ZNF219: variants seen among roughly 807,000 people sequenced by gnomAD.
ZNF219 encodes the protein zinc finger protein 219.
In ZNF219, 17 loss-of-function variants were observed where a neutral mutation model predicts 54.4. That is an observed-to-expected ratio of 0.31 (90% confidence interval 0.21 to 0.47). The LOEUF is 0.47. ZNF219 is among the 20% of genes least tolerant of loss of function. ZNF219 has a pLI of 1.00. For missense variants in ZNF219, 1,014 were observed against 1,062.3 expected (o/e 0.95, Z 0.63); for synonymous variants, 518 against 476.4 (o/e 1.09, Z -1.14).
rs1163775057 is a variant in ZNF219, at chr14:21,092,057, G to C, written c.1240C>G (p.Leu414Val). ...CGGTGCCGGCGAGCCCGGGCCGGGAGAGCAGAGGACAGCGGGCGGAAGCCT... is the reference window on the plus strand; with the variant it reads ...CGGTGCCGGCGAGCCCGGGCCGGGACAGCAGAGGACAGCGGGCGGAAGCCT... Reference protein sequence around the residue: ...FGGFRPLSSALPARARRHRAE... With the variant: ...FGGFRPLSSAVPARARRHRAE... The change falls in exon 3 of 5, where the codon CTC (leucine) becomes GTC (valine). Residue 414 changes from leucine to valine, a missense_variant. Physicochemically the swap from Leu to Val is conservative, Grantham distance 32 (BLOSUM62 1). Transcript: ENST00000360947. The C allele has an allele frequency of 1.9e-6, 3 of 1,544,432 alleles. No individual in the cohort carries two copies. Among genetic ancestry groups the C allele is most frequent in the Non-Finnish European group, 2.6e-6 (3 of 1,144,826 alleles).
chr14:21,093,974 C>T (rs897186341), intron 1 of ZNF219: 36 of 384,644 alleles, frequency 9.4e-5, no homozygotes, highest in African/African-American at 7.3e-4. Flanking sequence ...CACAATATGC[C>T]CCTCTCCCAT....
At position 21,090,856 on chromosome 14, in the gene ZNF219, G is replaced by T; in HGVS notation, c.1849C>A (p.Arg617Ser). 1 of 1,554,706 alleles carries T rather than the reference G, an allele frequency of 6.4e-7. No homozygotes were observed. The highest frequency in any genetic ancestry group is 8.7e-7 in the Non-Finnish European group (1 of 1,150,620). Reference protein sequence around the residue: ...RKPASPGRTLRNGRGGEAEPL... With the variant: ...RKPASPGRTLSNGRGGEAEPL... ...TCGGCCTCACCGCCTCGCCCGTTGCGCAGGGTCCTCCCAGGGCTGGCGGGC... is the reference window on the plus strand; with the variant it reads ...TCGGCCTCACCGCCTCGCCCGTTGCTCAGGGTCCTCCCAGGGCTGGCGGGC... Residue 617 changes from arginine (R) to serine (S), a missense_variant, in exon 5 of 5, where the codon CGC becomes AGC. Physicochemically the swap from Arg to Ser is moderately radical, Grantham distance 110. This residue lies in a region of ZNF219 where 281 missense variants were observed against 271.2 expected (regional missense o/e 1.04). Transcript: ENST00000360947. The surrounding 1 kb of genome is among the most constrained non-coding windows in gnomAD (Gnocchi z 4.4).
rs773461871 is a variant in ZNF219 at position 21,091,057 on chromosome 14, G to C, written c.1648C>G (p.Arg550Gly). The stretch of plus-strand genomic sequence containing the variant: ...GGGCCGGCCCCGCTCCTCTGCTCCC[G>C]GTGGTGGCGCTGTAGGTGATACTTG... The part of the protein sequence containing the change: ...SLKYHLQRHH[R>G]EQRSGAGPGP... The change falls in exon 5 of 5, where the codon CGG becomes GGG. Residue 550 changes from arginine (R) to glycine (G), a missense_variant. Around this residue, in one of 5 missense-constraint regions of ZNF219, gnomAD observed 281 missense variants for 271.2 expected, o/e 1.04. Coordinates refer to ENST00000360947, the MANE Select transcript of ZNF219 (RefSeq NM_016423.3). 4 of 1,562,240 alleles carry C rather than the reference G, an allele frequency of 2.6e-6. No individual in the cohort carries two copies. The highest frequency in any genetic ancestry group is 2.3e-5 in the South Asian group (2 of 85,918).
upstream of ZNF219, chr14:21,102,584 G>A: frequency 2.6e-6 from 4 of 1,551,114 alleles, no homozygotes; most frequent in Non-Finnish European, 3.5e-6. Flanking sequence ...AAAAGGGCAG[G>A]GGCAAACAGG....
chr14:21,090,530 G>T lies in ZNF219; in HGVS notation c.*6C>A. On this transcript the variant is annotated 3_prime_UTR_variant, in exon 5 of 5. Transcript: ENST00000360947. The surrounding 1 kb of genome is among the most constrained non-coding windows in gnomAD (Gnocchi z 4.4). ...GCTCACTAAGCTAATCGCCCCTGAG[G>T]GCCCACTACCGTTCTTGCCCCCCCA... The T allele has an allele frequency of 6.3e-7, 1 of 1,583,098 alleles. No individual in the cohort carries two copies. The highest frequency in any genetic ancestry group is 8.6e-7 in the Non-Finnish European group (1 of 1,161,286).
intron 1 of ZNF219, 120 bp from the exon 2 acceptor site, chr14:21,093,794 G>A: frequency 2.2e-6 from 2 of 898,168 alleles, no homozygotes; most frequent in Admixed American, 2.1e-5. Flanking sequence ...CTCCCTACTT[G>A]CTTCTTGAGG....
At chr14:21,100,266 T>A (rs1889546767), upstream of ZNF219, among the ~76,000 whole-genome samples, 1 of 152,142 alleles carries the variant, frequency 6.6e-6, no homozygotes, top group Admixed American at 6.5e-5. Context: ...CTTGGGAGAC[T>A]GAGGCAGGAT....
At chr14:21,093,553 G>A in intron 2 of ZNF219, 33 bp downstream of exon 2, 2 of 1,603,144 alleles carry the variant, frequency 1.2e-6, no homozygotes, top group East Asian at 4.5e-5. Flanking sequence ...ACAGTTGTAG[G>A]TACTTGTAGG....
rs1228580006 is a variant in ZNF219 at position 21,090,774 on chromosome 14, G to A, written c.1931C>T (p.Ala644Val). Reference protein sequence around the residue: ...GPGGEAGPGGALHRCLFCPFA... With the variant: ...GPGGEAGPGGVLHRCLFCPFA... ...CGGGCAGAAGAGGCAGCGGTGGAGG[G>A]CACCCCCAGGCCCGGCCTCGCCTCC... Residue 644 changes from alanine to valine, a missense_variant, in exon 5 of 5, where the codon GCC becomes GTC. Coordinates refer to ENST00000360947, the MANE Select transcript of ZNF219 (RefSeq NM_016423.3). The surrounding 1 kb of genome is among the most constrained non-coding windows in gnomAD (Gnocchi z 4.4). 2.5e-6 allele frequency: 4 copies of A among 1,599,410 alleles called. No individual in the cohort carries two copies. The highest frequency in any genetic ancestry group is 3.4e-6 in the Non-Finnish European group (4 of 1,173,962).
chr14:21,091,755 T>C lies in ZNF219; in HGVS notation c.1432+110A>G. 2.1e-6 allele frequency: 3 copies of C among 1,454,368 alleles called. No homozygotes were observed. The South Asian group carries it at 4.5e-5, about 22-fold the overall frequency. The allele number at this position is 1,454,368 out of a possible 1,614,324, so 90.1% of individuals were successfully genotyped here. A position where few individuals can be genotyped will look rare whatever the true frequency, so the allele number is the denominator to read the frequency against. On this transcript the variant is annotated intron_variant, in intron 3 of 4. Coordinates refer to ENST00000360947, the MANE Select transcript of ZNF219 (RefSeq NM_016423.3). ...ACAAAACAAAACAAAACAAAAAAACTCAGGAGAAATTAAACGTAAGTTCTT... is the reference window on the plus strand; with the variant it reads ...ACAAAACAAAACAAAACAAAAAAACCCAGGAGAAATTAAACGTAAGTTCTT...
chr14:21,102,370 C>T (rs1176914261), upstream of ZNF219: 10 of 1,550,026 alleles, frequency 6.5e-6, no homozygotes, highest in South Asian at 7.2e-5. Context: ...AATGACTCCC[C>T]TAGGCTGGGC....
At chr14:21,101,294 C>A (rs552999987), upstream of ZNF219, 3 of 1,511,470 alleles carry the variant, frequency 2.0e-6, no homozygotes, top group Admixed American at 3.9e-5. Context: ...GAACCTATAA[C>A]GCATTTTTCC....
chr14:21,093,522 G>A lies in ZNF219; in HGVS notation c.6+64C>T. ...TAATGGGAGGTCAAAGAGAGAGAGAGGTAGGCAGGAGAGGGAGTATACAGT... is the reference window on the plus strand; with the variant it reads ...TAATGGGAGGTCAAAGAGAGAGAGAAGTAGGCAGGAGAGGGAGTATACAGT... On this transcript the variant is annotated intron_variant, in intron 2 of 4. Coordinates refer to ENST00000360947, the MANE Select transcript of ZNF219 (RefSeq NM_016423.3). The A allele has an allele frequency of 1.9e-6, 3 of 1,566,802 alleles. 1 individual carries two copies. Among genetic ancestry groups the A allele is most frequent in the South Asian group, 2.2e-5 (2 of 90,008 alleles).
rs1236867557 is a variant in ZNF219 at position 21,093,134 on chromosome 14, G to T, written c.163C>A (p.Arg55=). 2 of 1,610,346 alleles carry T rather than the reference G, an allele frequency of 1.2e-6. No individual in the cohort carries two copies. The highest frequency in any genetic ancestry group is 1.1e-5 in the South Asian group (1 of 90,906). ...VSWSESRAGE[R]RFPCPVCGKR... ...CCGCATACAGGGCAGGGGAAGCGCC[G>T]TTCGCCTGCACGACTCTCAGACCAG... is the stretch of plus-strand genomic sequence containing the variant. Residue 55 remains arginine, a synonymous_variant, in exon 3 of 5, where the codon CGG becomes AGG. Coordinates refer to ENST00000360947, the MANE Select transcript of ZNF219 (RefSeq NM_016423.3).
At position 21,091,934 on chromosome 14, in the gene ZNF219, G is replaced by T. The variant is rs1313870657; in HGVS notation, c.1363C>A (p.Arg455Ser). Residue 455 changes from arginine (R) to serine (S), a missense_variant, in exon 3 of 5, where the codon CGC becomes AGC. By Grantham distance (110) the Arg-to-Ser change is moderately radical (BLOSUM62 -1). Transcript: ENST00000360947. ...SLGSLASLHPRPGEGPGHSAS... is the reference protein window; with the variant it reads ...SLGSLASLHPSPGEGPGHSAS... ...GAGTGCCCCGGTCCCTCACCCGGGC[G>T]CGGGTGCAGGGAAGCCAGAGAGCCC... 1 of 1,603,804 alleles carries T rather than the reference G, an allele frequency of 6.2e-7. No individual in the cohort carries two copies. The highest frequency in any genetic ancestry group is 1.3e-5 in the African/African-American group (1 of 74,684).
chr14:21,102,053 T>G (rs1472608054), upstream of ZNF219: 1 of 1,551,188 alleles, frequency 6.4e-7, no homozygotes. Context: ...CTTGCCCTTC[T>G]CACCATTCAG....
chr14:21,095,428 T>C (rs1016622245), intron 1 of ZNF219, among the ~76,000 whole-genome samples: 3 of 152,230 alleles, frequency 2.0e-5, no homozygotes, highest in Admixed American at 1.3e-4. Flanking sequence ...AGTCTGAACA[T>C]TGATAACCCT....
Position 21,093,684 on chromosome 14 carries a change from GA to G in ZNF219, c.-83-11del. ...AACAGGTGCTGTGGAGCTAAAGCAA[GA>G]GACAGATTTGGAGGAAAAGATGAGC... On this transcript the variant is annotated splice_polypyrimidine_tract_variant and intron_variant, in intron 1 of 4. Coordinates refer to ENST00000360947, the MANE Select transcript of ZNF219 (RefSeq NM_016423.3). 1.9e-6 allele frequency: 3 copies of G among 1,613,368 alleles called. No individual in the cohort carries two copies. Among genetic ancestry groups the G allele is most frequent in the Non-Finnish European group, 2.5e-6 (3 of 1,179,526 alleles).
rs1397617688 is a variant in ZNF219, at chr14:21,093,019, C to G, written c.278G>C (p.Arg93Pro). The G allele has an allele frequency of 3.8e-6, 6 of 1,598,258 alleles. No homozygotes were observed. The African/African-American group carries it at 8.0e-5, about 21-fold the overall frequency. The change falls in exon 3 of 5, where the codon CGC (arginine) becomes CCC (proline). Residue 93 changes from arginine (R) to proline (P), a missense_variant. By Grantham distance (103) the Arg-to-Pro change is moderately radical. Transcript: ENST00000360947. ...QAFQCPHCGH[R>P]AAQRALLRSH... is the part of the protein sequence containing the mutation. Reference sequence around the variant, plus strand: ...GCGCAGCAGAGCCCGCTGCGCCGCGCGGTGGCCGCAGTGAGGGCACTGGAA... The same window carrying G: ...GCGCAGCAGAGCCCGCTGCGCCGCGGGGTGGCCGCAGTGAGGGCACTGGAA...
Sources: allele counts gnomAD v4.1 joint callset (sites outside exome capture counted in the v4.1 genomes callset), GRCh38; gene constraint gnomAD v4.1.1; regional missense constraint gnomAD v4.1.1; non-coding constraint Gnocchi (gnomAD v3.1); transcripts MANE v1.5; gene names NCBI Gene and HGNC (gene_info 2026-07-23, HGNC 2026-07-21).